Variants in RNF115 observed in about 807,000 individuals in gnomAD.
The protein encoded by RNF115 is ring finger protein 115, also known as E3 ubiquitin-protein ligase RNF115.
RNF115 carries 31 observed loss-of-function variants against 39.2 expected under a neutral mutation model. That is an observed-to-expected ratio of 0.79 (90% CI 0.59 to 1.07). RNF115 has a LOEUF of 1.07. Among genes scored for constraint, RNF115 ranks in the 50% least tolerant of loss-of-function variants. The pLI, the probability that RNF115 is intolerant of heterozygous loss-of-function variation, is 0.00. For synonymous variants in RNF115, 124 were observed against 131.0 expected, an observed-to-expected ratio of 0.95 and a Z score of 0.37; for missense variants, 384 against 381.7, an observed-to-expected ratio of 1.01 and a Z score of -0.05.
intron 2 of RNF115, among the ~76,000 whole-genome samples, chr1:145,785,662 G>C (rs1553717993): frequency 6.6e-6 from 1 of 152,108 alleles, no homozygotes; most frequent in African/African-American, 2.4e-5. Flanking sequence ...ACTACAAATA[G>C]TTTTCATTTG....
At chr1:145,787,851 T>C (rs1247167490) in intron 2 of RNF115, among the ~76,000 whole-genome samples, 3 of 151,316 alleles carry the variant, frequency 2.0e-5, no homozygotes, top group East Asian at 2.0e-4. Context: ...ATCGAACCAC[T>C]GCACTCCAAT....
intron 3 of RNF115, chr1:145,772,833 C>T: frequency 6.6e-6 from 1 of 152,296 alleles, no homozygotes; most frequent in African/African-American, 2.4e-5. Flanking sequence ...TTCTCCCTCT[C>T]CTTACCATGA....
intron 4 of RNF115, among the ~76,000 whole-genome samples, chr1:145,765,118 A>AC (rs1195663614): frequency 6.6e-6 from 1 of 152,082 alleles, no homozygotes; most frequent in Admixed American, 6.5e-5. Context: ...CTATGACCTT[A>AC]CCCCCAACCC....
In RNF115 at chr1:145,808,650, CATTAT is replaced by C. The variant is rs1559130750; in HGVS notation, c.102+15117_102+15121del. On this transcript the variant is annotated intron_variant, in intron 1 of 8. Coordinates refer to ENST00000582693, the MANE Select transcript of RNF115 (RefSeq NM_014455.4). The stretch of plus-strand genomic sequence containing the variant: ...GTTATTAAACAGAAAGTAAATGTAC[CATTAT>C]AAATAGTTTTTGCACTATATCAGCA... Among the ~76,000 whole-genome samples, 3 of 152,186 alleles carry C rather than the reference CATTAT, an allele frequency of 2.0e-5. No homozygotes were observed. The South Asian group carries it at 6.2e-4, about 32-fold the overall frequency.
chr1:145,763,661 T>G (rs1325425866), intron 4 of RNF115, among the ~76,000 whole-genome samples: 2 of 151,956 alleles, frequency 1.3e-5, no homozygotes, highest in African/African-American at 2.4e-5. Flanking sequence ...ATCACACCAC[T>G]GCACTGCAGC....
In RNF115 at chr1:145,748,052, C is replaced by G. The variant is rs782269610; in HGVS notation, c.726G>C (p.Arg242=). The part of the protein sequence containing the change: ...KEDYTVEEEV[R]QLPCNHFFHS... Reference sequence around the variant, plus strand: ...GAAAGAAGTGATTGCAAGGTAACTGCCGGACTTCCTCTTCAACTGTGTAAT... The same window carrying G: ...GAAAGAAGTGATTGCAAGGTAACTGGCGGACTTCCTCTTCAACTGTGTAAT... The change falls in exon 8 of 9, where the codon CGG becomes CGC. Residue 242 remains arginine, a synonymous_variant. Coordinates refer to ENST00000582693, the MANE Select transcript of RNF115 (RefSeq NM_014455.4). The G allele has an allele frequency of 6.2e-7, 1 of 1,613,896 alleles. No homozygotes were observed. The highest frequency in any genetic ancestry group is 8.5e-7 in the Non-Finnish European group (1 of 1,179,826).
In RNF115 at chr1:145,782,161, TC is replaced by T. The variant is rs1648178214; in HGVS notation, c.219+2377del. Among the ~76,000 whole-genome samples the T allele has an allele frequency of 3.3e-5, 5 of 152,258 alleles. No individual in the cohort carries two copies. In the South Asian group the frequency reaches 8.3e-4, roughly 25 times the overall value. ...CTCCCGTGATCCACCTGCCTCGGCC[TC>T]CCAAAGTGCTGGGATTACAAGCGTA... is the stretch of plus-strand genomic sequence containing the variant. On this transcript the variant is annotated intron_variant, in intron 3 of 8. Coordinates refer to ENST00000582693, the MANE Select transcript of RNF115 (RefSeq NM_014455.4).
chr1:145,787,019 T>C (rs1648411003), intron 2 of RNF115: 6 of 1,260,294 alleles, frequency 4.8e-6, no homozygotes, highest in Non-Finnish European at 6.2e-6. Flanking sequence ...TACTGTAAAA[T>C]GTGTAGTTTT....
At chr1:145,778,924 T>C (rs1236513621) in intron 3 of RNF115, among the ~76,000 whole-genome samples, 1 of 152,194 alleles carries the variant, frequency 6.6e-6, no homozygotes, top group Non-Finnish European at 1.5e-5. Context: ...AGCCTCTAAT[T>C]CTCAGGTAGG....
Position 145,771,830 on chromosome 1 carries a change from A to T in RNF115, c.309T>A (p.Asn103Lys). The stretch of plus-strand genomic sequence containing the variant: ...CAGTGTGAGTCTGGTGACCCCTTTC[A>T]TTGGCTCTATTATCTTGGTCCAGTG... ...SSPLDQDNRA[N>K]ERGHQTHTDF... Residue 103 changes from asparagine (N) to lysine (K), a missense_variant, in exon 4 of 9, where the codon AAT becomes AAA. Coordinates refer to ENST00000582693, the MANE Select transcript of RNF115 (RefSeq NM_014455.4). 1 of 1,614,100 alleles carries T rather than the reference A, an allele frequency of 6.2e-7. No individual in the cohort carries two copies. The highest frequency in any genetic ancestry group is 8.5e-7 in the Non-Finnish European group (1 of 1,179,968).
chr1:145,758,408 C>A (rs948098344), intron 4 of RNF115, among the ~76,000 whole-genome samples: 4 of 152,144 alleles, frequency 2.6e-5, no homozygotes, highest in Non-Finnish European at 5.9e-5. Context: ...GTAGCCACAG[C>A]TGACATGTTG....
chr1:145,811,249 C>T (rs1553722463), intron 1 of RNF115, among the ~76,000 whole-genome samples: 1 of 150,556 alleles, frequency 6.6e-6, no homozygotes, highest in Non-Finnish European at 1.5e-5. Context: ...GGGGCAGATG[C>T]AGTGGCTCAC....
At chr1:145,806,392 A>C (rs1425134281) in intron 1 of RNF115, among the ~76,000 whole-genome samples, 1 of 152,190 alleles carries the variant, frequency 6.6e-6, no homozygotes, top group Admixed American at 6.5e-5. Context: ...TTAAATTTAA[A>C]GAAAGCCAAA....
At chr1:145,812,587 G>A (rs1164329601) in intron 1 of RNF115, among the ~76,000 whole-genome samples, 23 of 151,682 alleles carry the variant, frequency 1.5e-4, no homozygotes, top group Non-Finnish European at 2.5e-4. Flanking sequence ...TTGAACGTGG[G>A]AGGCGGAGGT....
intron 1 of RNF115, among the ~76,000 whole-genome samples, chr1:145,794,898 T>C (rs929665133): frequency 7.3e-5 from 11 of 150,786 alleles, no homozygotes; most frequent in Non-Finnish European, 1.2e-4. Flanking sequence ...GCGCCTGTAG[T>C]CCCAGCTACT....
chr1:145,794,741 G>T (rs1264902293), intron 1 of RNF115, among the ~76,000 whole-genome samples: 1 of 151,658 alleles, frequency 6.6e-6, no homozygotes, highest in Non-Finnish European at 1.5e-5. Context: ...GTCCTGACCA[G>T]GCGCAGTAGC....
chr1:145,804,507 A>ATG (rs1649384421), intron 1 of RNF115, among the ~76,000 whole-genome samples: 9 of 148,790 alleles, frequency 6.0e-5, no homozygotes, highest in Non-Finnish European at 1.2e-4. Flanking sequence ...ATGCACACAC[A>ATG]CACACACACA....
At chr1:145,784,414 C>A in intron 3 of RNF115, 125 bp downstream of exon 3, 2 of 846,348 alleles carry the variant, frequency 2.4e-6, no homozygotes, top group Non-Finnish European at 3.9e-6. Context: ...GTTACTACGG[C>A]CCACATTTTT....
intron 5 of RNF115, 105 bp from the exon 6 acceptor site, chr1:145,751,615 AAGTCACT>A: frequency 1.6e-6 from 1 of 641,948 alleles, no homozygotes; most frequent in Admixed American, 2.7e-5. Context: ...CAGAGCTGGA[AAGTCACT>A]AGTCCTCCAG....
Sources: allele counts gnomAD v4.1 joint callset (sites outside exome capture counted in the v4.1 genomes callset), GRCh38; gene constraint gnomAD v4.1.1; transcripts MANE v1.5; gene names NCBI Gene and HGNC (gene_info 2026-07-23, HGNC 2026-07-21).